The following GPR137B variants were observed in gnomAD, a reference collection of about 807,000 sequenced individuals.
GPR137B encodes G protein-coupled receptor 137B, also known as integral membrane protein GPR137B.
In GPR137B, 42 loss-of-function variants were observed where a neutral mutation model predicts 42.5. The ratio of observed to expected loss-of-function variants is 0.99; its 90% CI spans 0.77 to 1.28. The LOEUF is 1.28. GPR137B is among the 50% of genes most tolerant of loss of function. The pLI, the probability that GPR137B is intolerant of heterozygous loss-of-function variation, is 0.00. For synonymous variants in GPR137B, 218 were observed against 209.7 expected, an observed-to-expected ratio of 1.04 and a Z score of -0.34; for missense variants, 487 against 493.9, an observed-to-expected ratio of 0.99 and a Z score of 0.13.
In GPR137B at chr1:236,142,901, C is replaced by T. The variant is rs377577748; in HGVS notation, c.279C>T (p.Thr93=). The change falls in exon 1 of 7, where the codon ACC becomes ACT. Residue 93 remains threonine (T), a synonymous_variant. Coordinates refer to ENST00000366592, the MANE Select transcript of GPR137B (RefSeq NM_003272.4). ...GCCTCTTCTGGGCCTCCCTGCGGAC[C>T]GTCCTCTTCTCCTTCTACTTCAAAG... ...FLCLFWASLR[T]VLFSFYFKDF... 4 of 1,614,114 alleles carry T rather than the reference C, an allele frequency of 2.5e-6. No individual in the cohort carries two copies. The highest frequency in any genetic ancestry group is 2.5e-6 in the Non-Finnish European group (3 of 1,180,026).
At chr1:236,186,197 TTA>T (rs59910940) in intron 5 of GPR137B, among the ~76,000 whole-genome samples, 1 of 100,638 alleles carries the variant, frequency 9.9e-6, no homozygotes, top group African/African-American at 4.7e-5. Context: ...TCATTTTTTT[TTA>T]TTATTATACT....
Position 236,180,008 on chromosome 1 carries a change from T to A in GPR137B, c.817T>A (p.Trp273Arg), listed in dbSNP as rs1219853642. 2 of 1,613,806 alleles carry A rather than the reference T, an allele frequency of 1.2e-6. No individual in the cohort carries two copies. Among genetic ancestry groups the A allele is most frequent in the Non-Finnish European group, 1.7e-6 (2 of 1,179,722 alleles). ...GAGCGTCCATTCCTTTGATTATGACTGGTACAATGTATCAGACCAGGTCAG... is the reference window on the plus strand; with the variant it reads ...GAGCGTCCATTCCTTTGATTATGACAGGTACAATGTATCAGACCAGGTCAG... ...NKSVHSFDYD[W>R]YNVSDQADLK... Residue 273 changes from tryptophan to arginine, a missense_variant, in exon 4 of 7, where the codon TGG (tryptophan) becomes AGG (arginine). Trp to Arg is a moderately radical substitution (Grantham distance 101). Transcript: ENST00000366592.
chr1:236,208,381 T>G lies in GPR137B; in HGVS notation c.*223T>G. 1 of 1,156,422 alleles carries G rather than the reference T, an allele frequency of 8.6e-7. No homozygotes were observed. The highest frequency in any genetic ancestry group is 1.1e-6 in the Non-Finnish European group (1 of 906,508). 71.6% of individuals were successfully genotyped at this position (1,156,422 alleles called of 1,614,324 possible). ...CTATTTCAGTGGGTATAATTTAAAC[T>G]TTTTAAAGAAAATCTGTACTTTTAT... On this transcript the variant is annotated 3_prime_UTR_variant, in exon 7 of 7. Coordinates refer to ENST00000366592, the MANE Select transcript of GPR137B (RefSeq NM_003272.4).
At chr1:236,184,899 TG>T (rs2102914782) in intron 5 of GPR137B, among the ~76,000 whole-genome samples, 1 of 152,240 alleles carries the variant, frequency 6.6e-6, no homozygotes, top group East Asian at 1.9e-4. Flanking sequence ...CCCAAGTAGC[TG>T]GGAATACAGA....
At chr1:236,174,969 A>G (rs1246101327) in intron 2 of GPR137B, among the ~76,000 whole-genome samples, 1 of 152,178 alleles carries the variant, frequency 6.6e-6, no homozygotes, top group East Asian at 1.9e-4. Flanking sequence ...CTTGAGACGA[A>G]AGATGTTTGA....
In GPR137B at chr1:236,171,357, A is replaced by T. The variant is rs546108807; in HGVS notation, c.464+2602A>T. Among the ~76,000 whole-genome samples, 4 of 152,330 alleles carry T rather than the reference A, an allele frequency of 2.6e-5. No individual in the cohort carries two copies. Among genetic ancestry groups the T allele is most frequent in the Admixed American group, 2.0e-4 (3 of 15,304 alleles). On this transcript the variant is annotated intron_variant, in intron 2 of 6. Transcript: ENST00000366592. The surrounding 1 kb of genome is among the most constrained non-coding windows in gnomAD (Gnocchi z 4.4). ...ATAGTAGCCTCTCCTCTGCATCTATAGTCTTTGCCCTGCATCCCCCCAGCC... is the reference window on the plus strand; with the variant it reads ...ATAGTAGCCTCTCCTCTGCATCTATTGTCTTTGCCCTGCATCCCCCCAGCC...
intron 4 of GPR137B, 55 bp from the exon 5 acceptor site, chr1:236,183,723 C>T: frequency 7.4e-7 from 1 of 1,360,144 alleles, no homozygotes; most frequent in Non-Finnish European, 1.0e-6. Context: ...AAGAAACAAT[C>T]AAATTTATTT....
intron 4 of GPR137B, among the ~76,000 whole-genome samples, chr1:236,181,893 A>ATTTTAACCTTTTTTTTTTTTTTT (rs10680855): frequency 8.2e-6 from 1 of 121,500 alleles, no homozygotes; most frequent in African/African-American, 3.5e-5. Flanking sequence ...AATATTTGCT[A>ATTTTAACCTTTTTTTTTTTTTTT]TTTTTTTTTT....
chr1:236,197,509 CT>C (rs1328527266), intron 5 of GPR137B, among the ~76,000 whole-genome samples: 19 of 152,044 alleles, frequency 1.2e-4, no homozygotes, highest in Non-Finnish European at 2.8e-4. Context: ...TAGAATTTTT[CT>C]GGTTTCAGGT....
At position 236,164,886 on chromosome 1, in the gene GPR137B, A is replaced by AAGAGAG. The variant is rs10581092; in HGVS notation, c.415-3790_415-3785dup. Among the ~76,000 whole-genome samples, 73 of 143,974 alleles carry AAGAGAG rather than the reference A, an allele frequency of 5.1e-4. 1 individual carries two copies. The highest frequency in any genetic ancestry group is 3.3e-3 in the Admixed American group (47 of 14,292). The allele number at this position is 143,974 out of a possible 152,430, so 94.5% of individuals were successfully genotyped here. Reference sequence around the variant, plus strand: ...GCTTGAATAGTGCCCAGATGAATTCAAGAGAGAGAGAGAGAGAGAGAGAGA... The same window carrying AAGAGAG: ...GCTTGAATAGTGCCCAGATGAATTCAAGAGAGAGAGAGAGAGAGAGAGAGAGAGAGA... On this transcript the variant is annotated intron_variant, in intron 1 of 6. Coordinates refer to ENST00000366592, the MANE Select transcript of GPR137B (RefSeq NM_003272.4).
Position 236,205,262 on chromosome 1 carries a change from C to T in GPR137B, c.1091+12C>T. 6.2e-7 allele frequency: 1 copy of T among 1,608,462 alleles called. No homozygotes were observed. Among genetic ancestry groups the T allele is most frequent in the Non-Finnish European group, 8.5e-7 (1 of 1,175,616 alleles). On this transcript the variant is annotated intron_variant, in intron 6 of 6. Coordinates refer to ENST00000366592, the MANE Select transcript of GPR137B (RefSeq NM_003272.4). ...GGACTTCAGGGAGGGTAAGACCCTA[C>T]TTCATGTTAGACAAGCCTCATCAGG... is the stretch of plus-strand genomic sequence containing the variant.
intron 1 of GPR137B, among the ~76,000 whole-genome samples, chr1:236,145,960 C>T (rs543095885): frequency 3.8e-4 from 58 of 152,194 alleles, no homozygotes; most frequent in African/African-American, 1.1e-3. Context: ...TGGATTCAAG[C>T]GATTCTCCTG....
rs375818962 is a variant in GPR137B at position 236,208,182 on chromosome 1, G to A, written c.*24G>A. 32 of 1,609,688 alleles carry A rather than the reference G, an allele frequency of 2.0e-5. No individual in the cohort carries two copies. Among genetic ancestry groups the A allele is most frequent in the Middle Eastern group, 3.3e-4 (2 of 6,040 alleles). ...AGCATCAGTTAACAGTTTTATGGAC[G>A]ATTCCTCAGATGAAAAGCTTCAGAA... On this transcript the variant is annotated 3_prime_UTR_variant, in exon 7 of 7. Coordinates refer to ENST00000366592, the MANE Select transcript of GPR137B (RefSeq NM_003272.4).
chr1:236,186,752 G>A (rs1179724247), intron 5 of GPR137B, among the ~76,000 whole-genome samples: 1 of 152,118 alleles, frequency 6.6e-6, no homozygotes, highest in Non-Finnish European at 1.5e-5. Flanking sequence ...GGACATTTGG[G>A]TTGGTTCCAA....
At chr1:236,149,240 T>C (rs890496527) in intron 1 of GPR137B, among the ~76,000 whole-genome samples, 8 of 119,224 alleles carry the variant, frequency 6.7e-5, no homozygotes, top group African/African-American at 2.1e-4. Context: ...GTAGGGAGCA[T>C]GTGGCAAGCC....
chr1:236,175,985 C>T (rs1441641715), intron 2 of GPR137B, among the ~76,000 whole-genome samples: 2 of 152,092 alleles, frequency 1.3e-5, no homozygotes, highest in Non-Finnish European at 2.9e-5. Flanking sequence ...AAGATGATCC[C>T]GACCGTGGAA....
intron 1 of GPR137B, among the ~76,000 whole-genome samples, chr1:236,143,353 C>T (rs941074583): frequency 2.6e-5 from 4 of 152,260 alleles, no homozygotes; most frequent in African/African-American, 9.6e-5. Context: ...AGCAGCAGCG[C>T]CTGCACACGC....
rs563014200 is a variant in GPR137B, at chr1:236,207,995, T to C, written c.1092-55T>C. ...AGCTCTGTCTACCTAAACTAGACTATGTCATACATACTATATAATGTTTCA... is the reference window on the plus strand; with the variant it reads ...AGCTCTGTCTACCTAAACTAGACTACGTCATACATACTATATAATGTTTCA... On this transcript the variant is annotated intron_variant, in intron 6 of 6. Coordinates refer to ENST00000366592, the MANE Select transcript of GPR137B (RefSeq NM_003272.4). 3.2e-3 allele frequency: 4,094 copies of C among 1,283,226 alleles called. 6 individuals carry two copies. Among genetic ancestry groups the C allele is most frequent in the Non-Finnish European group, 3.8e-3 (3,394 of 892,516 alleles). The allele number at this position is 1,283,226 out of a possible 1,614,324, so 79.5% of individuals were successfully genotyped here. A position where few individuals can be genotyped will look rare whatever the true frequency, so the allele number is the denominator to read the frequency against.
intron 1 of GPR137B, 82 bp downstream of exon 1, chr1:236,143,118 C>A: frequency 1.6e-6 from 2 of 1,259,726 alleles, no homozygotes; most frequent in South Asian, 1.4e-5. Flanking sequence ...CGATGGCAGC[C>A]GCGGGGGCGG....
Sources: gnomAD v4.1 joint callset for allele counts (sites outside exome capture counted in the v4.1 genomes callset) on GRCh38, gnomAD v4.1.1 for gene constraint, Gnocchi (gnomAD v3.1) non-coding constraint, MANE v1.5 for transcripts, NCBI Gene and HGNC (gene_info 2026-07-23, HGNC 2026-07-21) for gene names.